The following SRRM2 variants were observed in gnomAD, a reference collection of about 807,000 sequenced individuals.
The protein encoded by SRRM2 is serine/arginine repetitive matrix protein 2.
In SRRM2, 30 loss-of-function variants were observed where a neutral mutation model predicts 213.8. That is an observed-to-expected ratio of 0.14 (90% CI 0.10 to 0.19). SRRM2 has a LOEUF of 0.19. Among genes scored for constraint, SRRM2 ranks in the 10% least tolerant of loss-of-function variants. SRRM2 has a pLI of 1.00. For synonymous variants in SRRM2, 2,025 were observed against 1,377.7 expected (o/e 1.47, Z -10.40); for missense variants, 4,904 against 3,647.0 (o/e 1.34, Z -8.88).
At chr16:2,768,365 G>T in intron 11 of SRRM2, 104 bp downstream of exon 11, 2 of 1,314,922 alleles carry the variant, frequency 1.5e-6, no homozygotes, top group Admixed American at 5.0e-5. Context: ...GCTCTTGGAG[G>T]AGGTATGGGG....
Position 2,768,276 on chromosome 16 carries a change from C to G in SRRM2, c.7733+15C>G. 1 of 1,523,360 alleles carries G rather than the reference C, an allele frequency of 6.6e-7. No individual in the cohort carries two copies. Among genetic ancestry groups the G allele is most frequent in the African/African-American group, 1.4e-5 (1 of 71,802 alleles). 94.4% of individuals were successfully genotyped at this position (1,523,360 alleles called of 1,614,324 possible). A position where few individuals can be genotyped will look rare whatever the true frequency, so the allele number is the denominator to read the frequency against. On this transcript the variant is annotated intron_variant, in intron 11 of 14. Transcript: ENST00000301740. ...GCACTGAAGAGGTGAGGGAGCTTGA[C>G]TTTTAGAAATCTTCAGTGGGGGAGG...
chr16:2,763,254 C>T lies in SRRM2; in HGVS notation c.2726C>T (p.Pro909Leu), dbSNP rs776521380. Residue 909 changes from proline (P) to leucine (L), a missense_variant, in exon 11 of 15, where the codon CCA becomes CTA. Transcript: ENST00000301740. ...VKSSTPPRQS[P>L]SRSSSPQPKV... is the part of the protein sequence containing the mutation. ...TCTAGCACACCTCCCAGACAGAGCCCATCTAGGTCATCATCTCCACAACCC... is the reference window on the plus strand; with the variant it reads ...TCTAGCACACCTCCCAGACAGAGCCTATCTAGGTCATCATCTCCACAACCC... 21 of 1,614,060 alleles carry T rather than the reference C, an allele frequency of 1.3e-5. No individual in the cohort carries two copies. Among genetic ancestry groups the T allele is most frequent in the South Asian group, 3.3e-5 (3 of 91,072 alleles).
chr16:2,770,900 C>T lies in SRRM2; in HGVS notation c.*33C>T, dbSNP rs372896865. 6.2e-7 allele frequency: 1 copy of T among 1,613,300 alleles called. No homozygotes were observed. Among genetic ancestry groups the T allele is most frequent in the Non-Finnish European group, 8.5e-7 (1 of 1,179,816 alleles). On this transcript the variant is annotated 3_prime_UTR_variant, in exon 15 of 15. Transcript: ENST00000301740. Reference sequence around the variant, plus strand: ...TTGGGGGATTCCACCACACCCAATGCTCTGGAGCCACAAGGAGTGTCCCTT... The same window carrying T: ...TTGGGGGATTCCACCACACCCAATGTTCTGGAGCCACAAGGAGTGTCCCTT...
rs369857768 is a variant in SRRM2 at position 2,765,810 on chromosome 16, G to A, written c.5282G>A (p.Arg1761His). The A allele has an allele frequency of 1.4e-5, 22 of 1,613,930 alleles. No homozygotes were observed. Among genetic ancestry groups the A allele is most frequent in the Middle Eastern group, 3.3e-4 (2 of 6,084 alleles). ...ACTAAGACAACCTCAAGGAGAGGCCGCTCTCCTTCGCCAAAGCCTCGTGGA... is the reference window on the plus strand; with the variant it reads ...ACTAAGACAACCTCAAGGAGAGGCCACTCTCCTTCGCCAAAGCCTCGTGGA... ...PRTKTTSRRG[R>H]SPSPKPRGLQ... Residue 1761 changes from arginine to histidine, a missense_variant, in exon 11 of 15, where the codon CGC becomes CAC. Coordinates refer to ENST00000301740, the MANE Select transcript of SRRM2 (RefSeq NM_016333.4).
At position 2,759,547 on chromosome 16, in the gene SRRM2, TGTG is replaced by T. The variant is rs749074663; in HGVS notation, c.741-13_741-11del. ...GGGCAGGTACAGCAGTACCCTGAGC[TGTG>T]GTGGTGGTCTTCCTTCAGGTCTCGA... is the stretch of plus-strand genomic sequence containing the variant. On this transcript the variant is annotated intron_variant, in intron 8 of 14. Coordinates refer to ENST00000301740, the MANE Select transcript of SRRM2 (RefSeq NM_016333.4). The T allele has an allele frequency of 5.0e-5, 80 of 1,613,294 alleles. No homozygotes were observed. Among genetic ancestry groups the T allele is most frequent in the Non-Finnish European group, 5.7e-5 (67 of 1,179,376 alleles).
Position 2,761,541 on chromosome 16 carries a change from G to T in SRRM2, c.1033-20G>T. ...TTGGCGTTTATGAATCCCTATCCCT[G>T]CTCTCTCTTCCACTCTTAGAAATCT... On this transcript the variant is annotated intron_variant, in intron 10 of 14. Transcript: ENST00000301740. 1 of 1,479,356 alleles carries T rather than the reference G, an allele frequency of 6.8e-7. No homozygotes were observed. 91.6% of individuals were successfully genotyped at this position (1,479,356 alleles called of 1,614,324 possible). A position where few individuals can be genotyped will look rare whatever the true frequency, so the allele number is the denominator to read the frequency against.
intron 12 of SRRM2, chr16:2,769,957 G>A (rs2068683503): frequency 4.5e-6 from 2 of 445,806 alleles, no homozygotes; most frequent in Admixed American, 2.6e-5. Flanking sequence ...TGAACTCCTC[G>A]TTCTGCAAGA....
rs1386077923 is a variant in SRRM2 at position 2,762,364 on chromosome 16, G to A, written c.1836G>A (p.Arg612=). The change falls in exon 11 of 15, where the codon AGG becomes AGA. Residue 612 remains arginine, a synonymous_variant. Transcript: ENST00000301740. ...RRSRSRTPAR[R]GRSRSRTPAR... ...CTCGGTCTAGAACACCAGCCCGGAG[G>A]GGCAGGTCTCGGTCTAGAACACCTG... 1.9e-6 allele frequency: 3 copies of A among 1,609,848 alleles called. No homozygotes were observed. Among genetic ancestry groups the A allele is most frequent in the South Asian group, 1.1e-5 (1 of 90,904 alleles).
intron 8 of SRRM2, 75 bp downstream of exon 8, chr16:2,759,477 T>C (rs1352837138): frequency 3.8e-6 from 6 of 1,598,718 alleles, no homozygotes; most frequent in Middle Eastern, 1.7e-4. Context: ...GAATGAGTTA[T>C]GTCCCTGACT....
At position 2,765,098 on chromosome 16, in the gene SRRM2, G is replaced by T. The variant is rs759554478; in HGVS notation, c.4570G>T (p.Asp1524Tyr). ...AAGAAGCGGGTCAGAATCATCAGTTGATCAGAAAACTGTGGCTCGGACTCC... is the reference window on the plus strand; with the variant it reads ...AAGAAGCGGGTCAGAATCATCAGTTTATCAGAAAACTGTGGCTCGGACTCC... ...RERSGSESSVDQKTVARTPLG... is the reference protein window; with the variant it reads ...RERSGSESSVYQKTVARTPLG... Residue 1524 changes from aspartate to tyrosine, a missense_variant, in exon 11 of 15, where the codon GAT becomes TAT. Coordinates refer to ENST00000301740, the MANE Select transcript of SRRM2 (RefSeq NM_016333.4). 9.3e-6 allele frequency: 15 copies of T among 1,614,182 alleles called. No individual in the cohort carries two copies. The highest frequency in any genetic ancestry group is 1.3e-5 in the Non-Finnish European group (15 of 1,180,038).
rs376155465 is a variant in SRRM2 at position 2,764,635 on chromosome 16, A to G, written c.4107A>G (p.Leu1369=). Residue 1369 remains leucine (L), a synonymous_variant, in exon 11 of 15, where the codon CTA becomes CTG. Transcript: ENST00000301740. ...ATCAGCTGGAAACAGATCCATCTCT[A>G]GACATGAAAGAACAATCGACAAGAT... is the stretch of plus-strand genomic sequence containing the variant. ...FLNQLETDPS[L]DMKEQSTRSS... 3 of 1,614,234 alleles carry G rather than the reference A, an allele frequency of 1.9e-6. No individual in the cohort carries two copies. The highest frequency in any genetic ancestry group is 1.1e-5 in the South Asian group (1 of 91,090).
intron 8 of SRRM2, 21 bp from the exon 9 acceptor site, chr16:2,759,548 G>T (rs1193415804): frequency 6.2e-7 from 1 of 1,613,156 alleles, no homozygotes; most frequent in South Asian, 1.1e-5. Context: ...ACCCTGAGCT[G>T]TGGTGGTGGT....
At position 2,771,290 on chromosome 16, in the gene SRRM2, TC is replaced by T. The variant is rs768578100; in HGVS notation, c.*428del. 1.1e-5 allele frequency: 10 copies of T among 930,972 alleles called. No individual in the cohort carries two copies. Among genetic ancestry groups the T allele is most frequent in the African/African-American group, 6.5e-5 (4 of 61,750 alleles). The allele number at this position is 930,972 out of a possible 1,614,324, so 57.7% of individuals were successfully genotyped here. ...AGTTGGAATTAGTTGGTCCCTACTG[TC>T]CCCCATGAGGTTGTGAACCCCTCCC... On this transcript the variant is annotated 3_prime_UTR_variant, in exon 15 of 15. Coordinates refer to ENST00000301740, the MANE Select transcript of SRRM2 (RefSeq NM_016333.4).
chr16:2,767,587 C>T lies in SRRM2; in HGVS notation c.7059C>T (p.Ala2353=), dbSNP rs146736691. 143 of 1,614,026 alleles carry T rather than the reference C, an allele frequency of 8.9e-5. No homozygotes were observed. Among genetic ancestry groups the T allele is most frequent in the East Asian group, 2.0e-4 (9 of 44,894 alleles). Residue 2353 remains alanine, a synonymous_variant, in exon 11 of 15, where the codon GCC becomes GCT. Transcript: ENST00000301740. ...SAHATAPVNI[A]GSRTAAALAP... is the part of the protein sequence containing the mutation. ...ATGCCACAGCTCCTGTGAATATTGCCGGCTCCAGAACCGCCGCAGCCTTGG... is the reference window on the plus strand; with the variant it reads ...ATGCCACAGCTCCTGTGAATATTGCTGGCTCCAGAACCGCCGCAGCCTTGG...
intron 8 of SRRM2, 45 bp from the exon 9 acceptor site, chr16:2,759,524 G>C: frequency 5.0e-6 from 8 of 1,604,998 alleles, no homozygotes; most frequent in Non-Finnish European, 6.8e-6. Flanking sequence ...AGAATCCAGG[G>C]CAGGTACAGC....
chr16:2,761,510 G>T, intron 10 of SRRM2, 51 bp from the exon 11 acceptor site: 1 of 1,422,576 alleles, frequency 7.0e-7, no homozygotes. Context: ...GGGGTGATGT[G>T]AAGTTTTGGC....
Position 2,757,772 on chromosome 16 carries a change from T to A in SRRM2, c.351-9T>A. On this transcript the variant is annotated splice_polypyrimidine_tract_variant and intron_variant, in intron 3 of 14. Coordinates refer to ENST00000301740, the MANE Select transcript of SRRM2 (RefSeq NM_016333.4). ...ATTTCCTTCAGACTTTTGCCCTTCT[T>A]TTCTCTAGGGTCACGGAGACTCACC... The A allele has an allele frequency of 6.2e-7, 1 of 1,612,586 alleles. No individual in the cohort carries two copies. Among genetic ancestry groups the A allele is most frequent in the Non-Finnish European group, 8.5e-7 (1 of 1,179,204 alleles).
In SRRM2 at chr16:2,756,405, G is replaced by C. The variant is rs369228538; in HGVS notation, c.41G>C (p.Gly14Ala). 1.2e-6 allele frequency: 2 copies of C among 1,608,952 alleles called. No individual in the cohort carries two copies. The highest frequency in any genetic ancestry group is 1.7e-6 in the Non-Finnish European group (2 of 1,178,168). ...GGGCTGCCGACGCCCCGGGGCAGCG[G>C]CACCAACGGCTACGTCCAGCGCAAC... ...GIGLPTPRGSGTNGYVQRNLS... is the reference protein window; with the variant it reads ...GIGLPTPRGSATNGYVQRNLS... The change falls in exon 2 of 15, where the codon GGC becomes GCC. Residue 14 changes from glycine (G) to alanine (A), a missense_variant. Gly to Ala is a moderately conservative substitution (Grantham distance 60). Transcript: ENST00000301740.
rs373847991 is a variant in SRRM2 at position 2,766,383 on chromosome 16, C to T, written c.5855C>T (p.Pro1952Leu). The change falls in exon 11 of 15, where the codon CCA becomes CTA. Residue 1952 changes from proline to leucine, a missense_variant. Physicochemically the swap from Pro to Leu is moderately conservative, Grantham distance 98 (BLOSUM62 -3). Coordinates refer to ENST00000301740, the MANE Select transcript of SRRM2 (RefSeq NM_016333.4). This position sits in a 1 kb window ranked among gnomAD's most constrained non-coding sequence, Gnocchi z 7.0. ...CGCCGCTCCCGTTCTAGAACTCCAC[C>T]AGTGACTCGCAGAAGGTCCAGATCC... ...TRRRSRSRTP[P>L]VTRRRSRSRT... The T allele has an allele frequency of 1.2e-6, 2 of 1,613,520 alleles. No homozygotes were observed. Among genetic ancestry groups the T allele is most frequent in the African/African-American group, 1.3e-5 (1 of 74,716 alleles).
Sources: allele counts gnomAD v4.1 joint callset, GRCh38; gene constraint gnomAD v4.1.1; non-coding constraint Gnocchi (gnomAD v3.1); transcripts MANE v1.5; gene names NCBI Gene and HGNC (gene_info 2026-07-23, HGNC 2026-07-21).